CATSPERD: variants seen among roughly 807,000 people sequenced by gnomAD.
CATSPERD encodes cation channel sperm-associated auxiliary subunit delta.
Under a neutral mutation model 98.1 loss-of-function variants are expected in CATSPERD, and 86 were observed. That is an observed-to-expected ratio of 0.88 (90% confidence interval 0.74 to 1.05). The LOEUF is 1.05. CATSPERD is among the 50% of genes least tolerant of loss of function. The probability of loss-of-function intolerance (pLI) is 0.00; values close to 1 mark genes in which losing one functional copy is unlikely to be tolerated. For missense variants in CATSPERD, 995 were observed against 1,005.7 expected (o/e 0.99, Z 0.14); for synonymous variants, 394 against 390.2 (o/e 1.01, Z -0.12).
intron 7 of CATSPERD, among the ~76,000 whole-genome samples, chr19:5,743,648 GTCTC>G (rs148496323): frequency 9.7e-5 from 14 of 144,902 alleles, no homozygotes; most frequent in Non-Finnish European, 1.3e-4. Context: ...CTCTGTCTCT[GTCTC>G]TCTCTCTCTC....
chr19:5,763,806 A>C (rs2056486805), intron 16 of CATSPERD, among the ~76,000 whole-genome samples: 1 of 140,072 alleles, frequency 7.1e-6, no homozygotes, highest in Non-Finnish European at 1.5e-5. Context: ...TTTTTAGTAG[A>C]GATGGAGTGT....
In CATSPERD at chr19:5,743,683, CCTCT is replaced by C. The variant is rs146743330; in HGVS notation, c.574-723_574-720del. Among the ~76,000 whole-genome samples the C allele has an allele frequency of 4.6e-4, 66 of 144,060 alleles. 1 individual carries two copies. In the South Asian group the frequency reaches 6.7e-3, roughly 15 times the overall value. 94.5% of individuals were successfully genotyped at this position (144,060 alleles called of 152,430 possible). On this transcript the variant is annotated intron_variant, in intron 7 of 21. Coordinates refer to ENST00000381624, the MANE Select transcript of CATSPERD (RefSeq NM_152784.4). ...CTCTCTCTTCCTCTCTCTCTCTCTT[CCTCT>C]CTCTCTCTCTCTCTCTCTCTGTCTC... is the stretch of plus-strand genomic sequence containing the variant.
chr19:5,772,992 G>A (rs1212397411), intron 20 of CATSPERD, 27 bp downstream of exon 20: 5 of 1,607,412 alleles, frequency 3.1e-6, no homozygotes, highest in South Asian at 1.1e-5. Context: ...ATCGTTTCCA[G>A]AAGAATCAGC....
chr19:5,737,903 G>C (rs923776461), intron 6 of CATSPERD, among the ~76,000 whole-genome samples: 1 of 151,854 alleles, frequency 6.6e-6, no homozygotes, highest in Non-Finnish European at 1.5e-5. Context: ...TAAGGCTTGA[G>C]ACTGGGTCTC....
At chr19:5,729,547 T>C (rs2055673711) in intron 3 of CATSPERD, among the ~76,000 whole-genome samples, 1 of 152,232 alleles carries the variant, frequency 6.6e-6, no homozygotes, top group Non-Finnish European at 1.5e-5. Context: ...GTTTATTTCT[T>C]ATATACACAT....
In CATSPERD at chr19:5,739,439, G is replaced by A; in HGVS notation, c.573G>A (p.Gln191=). 3.5e-6 allele frequency: 5 copies of A among 1,448,652 alleles called. No homozygotes were observed. Among genetic ancestry groups the A allele is most frequent in the Non-Finnish European group, 4.8e-6 (5 of 1,049,968 alleles). 89.7% of individuals were successfully genotyped at this position (1,448,652 alleles called of 1,614,324 possible). A position where few individuals can be genotyped will look rare whatever the true frequency, so the allele number is the denominator to read the frequency against. ...FSFWKYHYDR[Q]AEIIGSLGGI... ...TTTGGAAGTATCACTATGACAGACAGGTATGTTAAATTTGGTAAGAATGTG... is the reference window on the plus strand; with the variant it reads ...TTTGGAAGTATCACTATGACAGACAAGTATGTTAAATTTGGTAAGAATGTG... Residue 191 remains glutamine (Q), a splice_region_variant and synonymous_variant, in exon 7 of 22, where the codon CAG becomes CAA. Coordinates refer to ENST00000381624, the MANE Select transcript of CATSPERD (RefSeq NM_152784.4).
intron 13 of CATSPERD, among the ~76,000 whole-genome samples, chr19:5,757,292 A>G (rs2056341109): frequency 8.9e-6 from 1 of 112,726 alleles, no homozygotes; most frequent in African/African-American, 3.3e-5. Context: ...ATGCATTTTC[A>G]ACTTCTTTTT....
intron 15 of CATSPERD, among the ~76,000 whole-genome samples, chr19:5,760,201 C>G (rs1374444205): frequency 6.6e-6 from 1 of 151,124 alleles, no homozygotes; most frequent in Non-Finnish European, 1.5e-5. Flanking sequence ...GAGATCGAGA[C>G]CAGCCTGGCC....
Position 5,757,914 on chromosome 19 carries a change from G to C in CATSPERD, c.1350G>C (p.Gly450=), listed in dbSNP as rs763948714. The change falls in exon 14 of 22, where the codon GGG becomes GGC. Residue 450 remains glycine (G), a synonymous_variant. Coordinates refer to ENST00000381624, the MANE Select transcript of CATSPERD (RefSeq NM_152784.4). The part of the protein sequence containing the change: ...TFYENGYTSD[G]NTKYKLDIFL... ...ACGAGAACGGTTACACATCAGATGGGAACACCAAGTACAAACTGGTGAGCC... is the reference window on the plus strand; with the variant it reads ...ACGAGAACGGTTACACATCAGATGGCAACACCAAGTACAAACTGGTGAGCC... 1 of 1,612,552 alleles carries C rather than the reference G, an allele frequency of 6.2e-7. No homozygotes were observed. Among genetic ancestry groups the C allele is most frequent in the Middle Eastern group, 1.7e-4 (1 of 6,060 alleles).
At position 5,763,856 on chromosome 19, in the gene CATSPERD, T is replaced by TTTTTTTTTTC. The variant is rs1366694593; in HGVS notation, c.1506+572_1506+573insCTTTTTTTTT. The stretch of plus-strand genomic sequence containing the variant: ...GGCTGGTCTTGAACTCCTTTTTTTT[T>TTTTTTTTTTC]TTTTTTTTTGACATGGAGTCTTACT... On this transcript the variant is annotated intron_variant, in intron 16 of 21. Transcript: ENST00000381624. 2.3e-5 allele frequency among the ~76,000 whole-genome samples: 3 copies of TTTTTTTTTTC among 132,720 alleles called. 1 individual carries two copies. The highest frequency in any genetic ancestry group is 4.9e-5 in the Non-Finnish European group (3 of 61,016). The allele number at this position is 132,720 out of a possible 152,430, so 87.1% of individuals were successfully genotyped here. A position where few individuals can be genotyped will look rare whatever the true frequency, so the allele number is the denominator to read the frequency against.
chr19:5,732,384 A>G (rs2055743160), intron 4 of CATSPERD, among the ~76,000 whole-genome samples: 1 of 152,132 alleles, frequency 6.6e-6, no homozygotes, highest in Admixed American at 6.6e-5. Context: ...AGTTCTCAGT[A>G]TCTAAGAACC....
At chr19:5,771,580 GTTCT>G (rs750480016) in intron 19 of CATSPERD, among the ~76,000 whole-genome samples, 123 of 149,162 alleles carry the variant, frequency 8.2e-4, no homozygotes, top group Non-Finnish European at 1.4e-3. Context: ...CTGTCTTCCT[GTTCT>G]TTTTTTTTTT....
In CATSPERD at chr19:5,720,685, AGCG is replaced by A; in HGVS notation, c.-52_-50del. On this transcript the variant is annotated 5_prime_UTR_variant, in exon 1 of 22. Transcript: ENST00000381624. ...CAGCCTGCACGTACTCGGATTGTGCAGCGACTCCCCGTGGCGGTTGAGGGGCAG... is the reference window on the plus strand; with the variant it reads ...CAGCCTGCACGTACTCGGATTGTGCAACTCCCCGTGGCGGTTGAGGGGCAG... 1 of 1,557,258 alleles carries A rather than the reference AGCG, an allele frequency of 6.4e-7. No individual in the cohort carries two copies. The highest frequency in any genetic ancestry group is 8.8e-7 in the Non-Finnish European group (1 of 1,142,200).
At chr19:5,774,970 T>C (rs1042515628) in intron 20 of CATSPERD, among the ~76,000 whole-genome samples, 27 of 151,658 alleles carry the variant, frequency 1.8e-4, no homozygotes, top group African/African-American at 5.8e-4. Context: ...TGATCCCAGA[T>C]GACACCACTG....
At position 5,746,119 on chromosome 19, in the gene CATSPERD, C is replaced by CA. The variant is rs1467335479; in HGVS notation, c.808+56_808+57insA. 9 of 1,592,338 alleles carry CA rather than the reference C, an allele frequency of 5.7e-6. No homozygotes were observed. In the Admixed American group the frequency reaches 1.5e-4, roughly 27 times the overall value. On this transcript the variant is annotated intron_variant, in intron 9 of 21. Transcript: ENST00000381624. ...GCCTGGTGGCCTCCTCCAGAGGGGC[C>CA]GAGTACAGCCTGGATAAGGGGAGGG...
At chr19:5,738,645 G>A (rs999287881) in intron 6 of CATSPERD, among the ~76,000 whole-genome samples, 4 of 152,108 alleles carry the variant, frequency 2.6e-5, no homozygotes, top group Admixed American at 6.6e-5. Context: ...GTGCAGTGGC[G>A]CAATCTCGGC....
chr19:5,760,939 CA>C (rs531768263), intron 15 of CATSPERD, among the ~76,000 whole-genome samples: 2,671 of 134,078 alleles, frequency 0.02, 56 homozygotes, highest in African/African-American at 0.063. Context: ...ACCCCCATCT[CA>C]AAAAAAAAAA....
chr19:5,731,925 A>AT (rs1168514533), intron 4 of CATSPERD, among the ~76,000 whole-genome samples: 10 of 151,898 alleles, frequency 6.6e-5, no homozygotes, highest in African/African-American at 2.4e-4. Context: ...AGGCTTTGTC[A>AT]TCCAAGAAGG....
At chr19:5,735,138 C>T (rs1469215625) in intron 5 of CATSPERD, among the ~76,000 whole-genome samples, 1 of 152,016 alleles carries the variant, frequency 6.6e-6, no homozygotes, top group Non-Finnish European at 1.5e-5. Flanking sequence ...TACAAAAAAC[C>T]TTACTTTTCT....
Sources: gnomAD v4.1 joint callset for allele counts (sites outside exome capture counted in the v4.1 genomes callset) on GRCh38, gnomAD v4.1.1 for gene constraint, MANE v1.5 for transcripts, NCBI Gene and HGNC (gene_info 2026-07-23, HGNC 2026-07-21) for gene names.